PRDM1: variants seen among roughly 807,000 people sequenced by gnomAD.
PRDM1 encodes the protein PR domain zinc finger protein 1.
PRDM1 carries 13 observed loss-of-function variants against 62.8 expected under a neutral mutation model. The ratio of observed to expected loss-of-function variants is 0.21; its 90% confidence interval spans 0.13 to 0.33. The LOEUF (loss-of-function observed/expected upper bound fraction) is 0.33. Among genes scored for constraint, PRDM1 ranks in the 10% least tolerant of loss-of-function variants. PRDM1 has a pLI of 1.00. For missense variants in PRDM1, 895 were observed against 1,058.8 expected, an observed-to-expected ratio of 0.85 and a Z score of 2.15; for synonymous variants, 396 against 417.6, an observed-to-expected ratio of 0.95 and a Z score of 0.63.
At chr6:106,011,089 T>A (rs1172203224) in intron 1 of PRDM1, among the ~76,000 whole-genome samples, 1 of 152,222 alleles carries the variant, frequency 6.6e-6, no homozygotes, top group East Asian at 1.9e-4. Context: ...TCATCTTCAT[T>A]GTCTTCTCTG....
chr6:106,063,197 G>A (rs547930498), intron 1 of PRDM1, among the ~76,000 whole-genome samples: 4 of 152,268 alleles, frequency 2.6e-5, no homozygotes, highest in African/African-American at 9.6e-5. Flanking sequence ...GGGAAATAAT[G>A]AGCTTGGATT....
upstream of PRDM1, among the ~76,000 whole-genome samples, chr6:106,085,225 C>T (rs1290409915): frequency 6.6e-6 from 1 of 151,518 alleles, no homozygotes; most frequent in Non-Finnish European, 1.5e-5. Context: ...TGTGTGCACA[C>T]GTGTATTTAA....
intron 1 of PRDM1, among the ~76,000 whole-genome samples, chr6:106,008,327 C>G (rs1401528616): frequency 2.6e-5 from 4 of 152,090 alleles, no homozygotes; most frequent in Non-Finnish European, 5.9e-5. Context: ...GAGCCAAGAT[C>G]GTGCCACTGT....
intron 1 of PRDM1, among the ~76,000 whole-genome samples, chr6:106,062,414 A>G (rs1773358696): frequency 6.6e-6 from 1 of 152,154 alleles, no homozygotes; most frequent in Non-Finnish European, 1.5e-5. Context: ...CTTGAAAGTG[A>G]TTTTCCACTG....
intron 1 of PRDM1, among the ~76,000 whole-genome samples, chr6:106,006,243 C>T (rs970579200): frequency 1.3e-5 from 2 of 152,140 alleles, no homozygotes; most frequent in Non-Finnish European, 2.9e-5. Flanking sequence ...CTTCTTTTTT[C>T]TTTTTCCTCC....
intron 1 of PRDM1, among the ~76,000 whole-genome samples, chr6:106,079,228 G>A (rs1268698764): frequency 6.6e-6 from 1 of 152,006 alleles, no homozygotes; most frequent in Non-Finnish European, 1.5e-5. Flanking sequence ...GCCTCCCAAA[G>A]TGCTGGGATT....
At chr6:106,096,324 T>C (rs1047757484) in intron 3 of PRDM1, among the ~76,000 whole-genome samples, 2 of 152,142 alleles carry the variant, frequency 1.3e-5, no homozygotes, top group Non-Finnish European at 2.9e-5. Context: ...ATTTTTGTAT[T>C]TTTAGTAGAG....
Position 106,086,429 on chromosome 6 carries a change from C to A in PRDM1, c.-125C>A. 1.2e-6 allele frequency: 1 copy of A among 841,942 alleles called. No homozygotes were observed. The highest frequency in any genetic ancestry group is 1.9e-6 in the Non-Finnish European group (1 of 536,002). The allele number at this position is 841,942 out of a possible 1,614,324, so 52.2% of individuals were successfully genotyped here. On this transcript the variant is annotated 5_prime_UTR_variant, in exon 1 of 7. Coordinates refer to ENST00000369096, the MANE Select transcript of PRDM1 (RefSeq NM_001198.4). ...GGCACCTGTCCGCCCGGAGCTGGGA[C>A]GCGGGCGCCCGGGCGGCCGGACGAA...
chr6:106,095,825 G>T, intron 3 of PRDM1, 91 bp downstream of exon 3: 2 of 1,417,814 alleles, frequency 1.4e-6, no homozygotes, highest in South Asian at 2.5e-5. Flanking sequence ...ATCCTGTGCT[G>T]AGAAATGCTG....
At chr6:106,044,053 T>C (rs1028518578), upstream of PRDM1, among the ~76,000 whole-genome samples, 21 of 152,334 alleles carry the variant, frequency 1.4e-4, no homozygotes, top group African/African-American at 4.8e-4. Context: ...CCACTATATG[T>C]GTGAATATGT....
At chr6:106,065,530 T>C (rs1341073861) in intron 1 of PRDM1, among the ~76,000 whole-genome samples, 1 of 152,234 alleles carries the variant, frequency 6.6e-6, no homozygotes, top group Non-Finnish European at 1.5e-5. Flanking sequence ...ATGTGTATCA[T>C]TATCATGTAT....
chr6:106,088,891 C>G (rs1210853922), intron 2 of PRDM1, among the ~76,000 whole-genome samples: 2 of 152,204 alleles, frequency 1.3e-5, no homozygotes. Context: ...AACAAGCCAG[C>G]TTTATTAGCT....
intron 1 of PRDM1, among the ~76,000 whole-genome samples, chr6:106,056,087 T>G (rs951268053): frequency 7.2e-5 from 11 of 152,144 alleles, no homozygotes; most frequent in Admixed American, 1.3e-4. Context: ...GTAAATCCTT[T>G]CAGGTTAAGA....
chr6:106,012,597 T>C (rs1772572161), intron 1 of PRDM1, among the ~76,000 whole-genome samples: 1 of 149,492 alleles, frequency 6.7e-6, no homozygotes, highest in African/African-American at 2.5e-5. Context: ...ACCACACATA[T>C]TGCATGTGTT....
At chr6:106,041,920 A>C in intron 1 of PRDM1, among the ~76,000 whole-genome samples, 1 of 145,414 alleles carries the variant, frequency 6.9e-6, no homozygotes, top group East Asian at 2.0e-4. Context: ...CAATCCTCCC[A>C]CCTCAGCCTC....
intron 2 of PRDM1, among the ~76,000 whole-genome samples, chr6:106,093,197 G>A (rs1216313980): frequency 6.6e-6 from 1 of 152,124 alleles, no homozygotes; most frequent in Admixed American, 6.6e-5. Flanking sequence ...GCTCAAATAG[G>A]TATTGGGTAG....
intron 1 of PRDM1, among the ~76,000 whole-genome samples, chr6:106,063,424 A>G (rs1217341610): frequency 6.6e-6 from 1 of 152,166 alleles, no homozygotes; most frequent in Non-Finnish European, 1.5e-5. Context: ...TGAATTGCTG[A>G]CATGTCAGGC....
chr6:106,058,940 T>C (rs1773305059), intron 1 of PRDM1, among the ~76,000 whole-genome samples: 1 of 152,202 alleles, frequency 6.6e-6, no homozygotes, highest in African/African-American at 2.4e-5. Flanking sequence ...TTCTTAAAGA[T>C]CACTCGATGA....
chr6:106,054,205 C>T (rs888526510), intron 1 of PRDM1, among the ~76,000 whole-genome samples: 3 of 151,928 alleles, frequency 2.0e-5, no homozygotes, highest in Admixed American at 6.6e-5. Flanking sequence ...TTTACAGAAA[C>T]ACGTATGTAT....
Sources: gnomAD v4.1 joint callset for allele counts (sites outside exome capture counted in the v4.1 genomes callset) on GRCh38, gnomAD v4.1.1 for gene constraint, MANE v1.5 for transcripts, NCBI Gene and HGNC (gene_info 2026-07-23, HGNC 2026-07-21) for gene names.